CAMTA1: variants seen among roughly 807,000 people sequenced by gnomAD.
The protein encoded by CAMTA1 is calmodulin binding transcription activator 1, also known as calmodulin-binding transcription activator 1.
A neutral mutation model predicts 170.9 loss-of-function variants in CAMTA1; 27 were observed. That is an observed-to-expected ratio of 0.16 (90% CI 0.12 to 0.22). CAMTA1 has a LOEUF of 0.22. Among genes scored for constraint, CAMTA1 ranks in the 10% least tolerant of loss-of-function variants. The probability of loss-of-function intolerance (pLI) is 1.00; values close to 1 mark genes in which losing one functional copy is unlikely to be tolerated. For synonymous variants in CAMTA1, 833 were observed against 891.5 expected (o/e 0.93, Z 1.17); for missense variants, 1,619 against 2,217.2 (o/e 0.73, Z 5.42).
intron 3 of CAMTA1, among the ~76,000 whole-genome samples, chr1:7,018,494 A>T (rs1700883004): frequency 6.6e-6 from 1 of 152,078 alleles, no homozygotes; most frequent in Non-Finnish European, 1.5e-5. Context: ...TTTTCCCCAT[A>T]TGGAGAACTC....
chr1:6,987,419 C>G (rs1032328845), intron 3 of CAMTA1, among the ~76,000 whole-genome samples: 2 of 152,218 alleles, frequency 1.3e-5, no homozygotes, highest in South Asian at 4.1e-4. Context: ...CCCGCCTTGG[C>G]CTCCCAAAGT....
chr1:7,162,219 T>C (rs1171233723), intron 4 of CAMTA1, among the ~76,000 whole-genome samples: 2 of 152,186 alleles, frequency 1.3e-5, no homozygotes, highest in African/African-American at 4.8e-5. Flanking sequence ...TATGGTCTTA[T>C]AGGTCATGGT....
chr1:7,320,998 C>A (rs545280503), intron 5 of CAMTA1, among the ~76,000 whole-genome samples: 1 of 152,296 alleles, frequency 6.6e-6, no homozygotes, highest in East Asian at 1.9e-4. Flanking sequence ...TTGGGTCTTT[C>A]CCAATGCATA....
chr1:7,759,484 C>T (rs912228473), intron 22 of CAMTA1, among the ~76,000 whole-genome samples: 4 of 152,138 alleles, frequency 2.6e-5, no homozygotes, highest in Non-Finnish European at 5.9e-5. Flanking sequence ...TTAACAAACT[C>T]TCGATACTGT....
intron 5 of CAMTA1, among the ~76,000 whole-genome samples, chr1:7,362,827 G>A (rs1307953655): frequency 6.6e-6 from 1 of 151,962 alleles, no homozygotes; most frequent in Non-Finnish European, 1.5e-5. Flanking sequence ...TGGAGGTGGT[G>A]AACTTCGGTA....
At chr1:7,667,498 C>G (rs951664947) in intron 9 of CAMTA1, among the ~76,000 whole-genome samples, 1 of 152,110 alleles carries the variant, frequency 6.6e-6, no homozygotes, top group Non-Finnish European at 1.5e-5. Flanking sequence ...ATTTGGTCCT[C>G]GGGACACTTA....
At chr1:7,439,828 C>G (rs2149400953) in intron 5 of CAMTA1, among the ~76,000 whole-genome samples, 1 of 152,352 alleles carries the variant, frequency 6.6e-6, no homozygotes, top group East Asian at 1.9e-4. Flanking sequence ...GAGGCAAAGC[C>G]TGGGTATCTG....
At chr1:6,877,911 C>T (rs1274163365) in intron 3 of CAMTA1, among the ~76,000 whole-genome samples, 1 of 152,202 alleles carries the variant, frequency 6.6e-6, no homozygotes, top group Non-Finnish European at 1.5e-5. Context: ...TCTAGTTCAC[C>T]TTGGAGCATC....
At chr1:7,411,322 T>C (rs2090723947) in intron 5 of CAMTA1, among the ~76,000 whole-genome samples, 1 of 152,118 alleles carries the variant, frequency 6.6e-6, no homozygotes, top group South Asian at 2.1e-4. Context: ...GCAGGATGTT[T>C]CAGCGTCCTA....
intron 3 of CAMTA1, among the ~76,000 whole-genome samples, chr1:6,978,264 G>A (rs1352328038): frequency 6.6e-6 from 1 of 152,162 alleles, no homozygotes; most frequent in African/African-American, 2.4e-5. Flanking sequence ...TGCTTGAGGG[G>A]ATGGATTCCT....
rs1484722344 is a variant in CAMTA1, at chr1:7,041,270, G to A, written c.235-50034G>A. On this transcript the variant is annotated intron_variant, in intron 3 of 22. Coordinates refer to ENST00000303635, the MANE Select transcript of CAMTA1 (RefSeq NM_015215.4). This position sits in a 1 kb window ranked among gnomAD's most constrained non-coding sequence, Gnocchi z 5.1. ...CTCTGTCCCCTTCTCGGCTTCCTCT[G>A]CAGAGGGGCTCAGAGCCAGTCCAGT... Among the ~76,000 whole-genome samples the A allele has an allele frequency of 6.6e-6, 1 of 152,258 alleles. No individual in the cohort carries two copies. Among genetic ancestry groups the A allele is most frequent in the African/African-American group, 2.4e-5 (1 of 41,472 alleles).
chr1:6,798,163 T>G (rs1322499704), intron 1 of CAMTA1, among the ~76,000 whole-genome samples: 1 of 151,868 alleles, frequency 6.6e-6, no homozygotes, highest in African/African-American at 2.4e-5. Context: ...GCTGGGCTAA[T>G]TTTTGTATTT....
chr1:7,703,599 A>G (rs1358982217), intron 11 of CAMTA1, among the ~76,000 whole-genome samples: 1 of 152,206 alleles, frequency 6.6e-6, no homozygotes. Context: ...GTAGGGTCAG[A>G]AAAGAGACTC....
intron 5 of CAMTA1, among the ~76,000 whole-genome samples, chr1:7,309,724 GT>G (rs1676177213): frequency 6.6e-6 from 1 of 151,876 alleles, no homozygotes; most frequent in African/African-American, 2.4e-5. Flanking sequence ...TCTTTGTATA[GT>G]TTTTTAATGG....
At chr1:6,933,031 G>A (rs774003978) in intron 3 of CAMTA1, among the ~76,000 whole-genome samples, 2 of 151,124 alleles carry the variant, frequency 1.3e-5, no homozygotes, top group Non-Finnish European at 2.9e-5. Context: ...TCTGTTTTTA[G>A]GGATCATGCT....
intron 4 of CAMTA1, among the ~76,000 whole-genome samples, chr1:7,128,197 G>A (rs1324815560): frequency 6.6e-6 from 1 of 152,152 alleles, no homozygotes; most frequent in Non-Finnish European, 1.5e-5. Flanking sequence ...CTTGAAGCCT[G>A]TGCCCGGTTT....
intron 3 of CAMTA1, among the ~76,000 whole-genome samples, chr1:6,845,968 G>A (rs1322185154): frequency 6.6e-6 from 1 of 152,190 alleles, no homozygotes; most frequent in African/African-American, 2.4e-5. Context: ...AGAAGCAAAG[G>A]CATGTCATAC....
At chr1:6,855,388 G>A (rs1661912166) in intron 3 of CAMTA1, among the ~76,000 whole-genome samples, 1 of 151,602 alleles carries the variant, frequency 6.6e-6, no homozygotes, top group Non-Finnish European at 1.5e-5. Flanking sequence ...GATTCTGGGG[G>A]AGGCCTCAGG....
At chr1:7,544,466 C>T (rs543737245) in intron 6 of CAMTA1, among the ~76,000 whole-genome samples, 1 of 152,304 alleles carries the variant, frequency 6.6e-6, no homozygotes, top group Admixed American at 6.5e-5. Flanking sequence ...CCATCTCTAA[C>T]CATTGAGGGT....
Sources: allele counts gnomAD v4.1 joint callset (sites outside exome capture counted in the v4.1 genomes callset), GRCh38; gene constraint gnomAD v4.1.1; non-coding constraint Gnocchi (gnomAD v3.1); transcripts MANE v1.5; gene names NCBI Gene and HGNC (gene_info 2026-07-23, HGNC 2026-07-21).